Variants in LINGO2 observed in about 807,000 individuals in gnomAD.
The protein encoded by LINGO2 is leucine rich repeat and Ig domain containing 2.
In LINGO2, 14 loss-of-function variants were observed where a neutral mutation model predicts 30.6. The observed-to-expected ratio is 0.46, with a 90% CI of 0.30 to 0.72. The LOEUF (loss-of-function observed/expected upper bound fraction) is 0.72. Among genes scored for constraint, LINGO2 ranks in the 30% least tolerant of loss-of-function variants. LINGO2 has a pLI of 0.07. For missense variants in LINGO2, 729 were observed against 751.7 expected, an observed-to-expected ratio of 0.97 and a Z score of 0.35; for synonymous variants, 317 against 288.5, an observed-to-expected ratio of 1.10 and a Z score of -1.00.
chr9:28,758,414 A>T, the LINGO2 span, among the ~76,000 whole-genome samples: 1 of 152,068 alleles, frequency 6.6e-6, no homozygotes, highest in African/African-American at 2.4e-5. Context: ...ATAAGTGTTA[A>T]TTTCTATTAA....
At chr9:28,496,378 C>G (rs1013242795) in intron 1 of LINGO2, among the ~76,000 whole-genome samples, 4 of 151,886 alleles carry the variant, frequency 2.6e-5, no homozygotes, top group Non-Finnish European at 5.9e-5. Context: ...GGATAGTTAG[C>G]TCTTCTTGTT....
At chr9:29,049,449 G>C in the LINGO2 span, among the ~76,000 whole-genome samples, 1 of 151,992 alleles carries the variant, frequency 6.6e-6, no homozygotes, top group African/African-American at 2.4e-5. Flanking sequence ...CCCACTGCTG[G>C]GTATATACCC....
intron 2 of LINGO2, among the ~76,000 whole-genome samples, chr9:28,418,636 A>G (rs961796104): frequency 3.9e-5 from 6 of 152,100 alleles, no homozygotes; most frequent in Admixed American, 1.3e-4. Context: ...TAAAATGGAT[A>G]AGATTAATCT....
chr9:28,674,365 CGAAG>C (rs1829140277), upstream of LINGO2, among the ~76,000 whole-genome samples: 1 of 151,914 alleles, frequency 6.6e-6, no homozygotes, highest in South Asian at 2.1e-4. Flanking sequence ...AATTTGAAAA[CGAAG>C]GAAACGATCT....
chr9:28,284,376 AC>A (rs1296352689), intron 4 of LINGO2, among the ~76,000 whole-genome samples: 1 of 152,254 alleles, frequency 6.6e-6, no homozygotes, highest in East Asian at 1.9e-4. Context: ...GACTGGACCA[AC>A]CCAAAACCAA....
intron 1 of LINGO2, among the ~76,000 whole-genome samples, chr9:28,581,109 T>G (rs866084491): frequency 2.0e-5 from 3 of 151,982 alleles, no homozygotes; most frequent in Admixed American, 6.6e-5. Context: ...AGGAAGAAAT[T>G]CAGGCTGTTG....
chr9:29,159,752 G>A, the LINGO2 span, among the ~76,000 whole-genome samples: 5 of 151,490 alleles, frequency 3.3e-5, no homozygotes, highest in African/African-American at 1.2e-4. Context: ...CAGCTACTCC[G>A]GAAGCAGAGA....
At chr9:28,375,511 C>T (rs1255062480) in intron 2 of LINGO2, among the ~76,000 whole-genome samples, 2 of 152,216 alleles carry the variant, frequency 1.3e-5, no homozygotes, top group Non-Finnish European at 2.9e-5. Flanking sequence ...ACCAATGCGA[C>T]TACTTTGGAC....
the LINGO2 span, among the ~76,000 whole-genome samples, chr9:28,893,898 C>T: frequency 1.3e-5 from 2 of 151,816 alleles, 1 homozygote; most frequent in African/African-American, 4.8e-5. Context: ...CTATCCCTCC[C>T]CCCTGCCCCC....
chr9:28,663,391 G>T (rs182410906), intron 1 of LINGO2, among the ~76,000 whole-genome samples: 45 of 152,232 alleles, frequency 3.0e-4, no homozygotes, highest in Non-Finnish European at 5.4e-4. Flanking sequence ...TGCTGGGCTT[G>T]AACTCCTGAC....
intron 2 of LINGO2, among the ~76,000 whole-genome samples, chr9:28,472,721 C>T (rs1266055738): frequency 1.3e-5 from 2 of 151,920 alleles, no homozygotes; most frequent in Non-Finnish European, 2.9e-5. Flanking sequence ...TTTCTGTTTT[C>T]CATACTGGTC....
chr9:29,001,802 G>A, the LINGO2 span, among the ~76,000 whole-genome samples: 1 of 151,962 alleles, frequency 6.6e-6, no homozygotes, highest in East Asian at 1.9e-4. Context: ...CAGGCACTAA[G>A]TGCAAATAAA....
At chr9:28,355,813 T>C (rs984833042) in intron 3 of LINGO2, among the ~76,000 whole-genome samples, 8 of 129,526 alleles carry the variant, frequency 6.2e-5, no homozygotes, top group Admixed American at 3.8e-4. Flanking sequence ...TCTGTATGTG[T>C]GCATACAGAA....
intron 3 of LINGO2, among the ~76,000 whole-genome samples, chr9:28,316,634 G>A (rs572367244): frequency 4.3e-4 from 65 of 152,052 alleles, no homozygotes; most frequent in Non-Finnish European, 6.2e-4. Context: ...GAGAGGAACC[G>A]GCATTTGAAC....
intron 5 of LINGO2, among the ~76,000 whole-genome samples, chr9:27,964,891 A>G (rs1373720591): frequency 6.6e-6 from 1 of 152,096 alleles, no homozygotes; most frequent in Non-Finnish European, 1.5e-5. Flanking sequence ...AACCTCTTCC[A>G]GGTGGCCTTG....
At chr9:28,557,482 A>G (rs1480640848) in intron 1 of LINGO2, among the ~76,000 whole-genome samples, 11 of 152,108 alleles carry the variant, frequency 7.2e-5, no homozygotes, top group African/African-American at 2.7e-4. Flanking sequence ...GCGATCATTA[A>G]AAAGTCAGAA....
chr9:28,043,578 C>T (rs1457436639), intron 4 of LINGO2, among the ~76,000 whole-genome samples: 1 of 152,198 alleles, frequency 6.6e-6, no homozygotes, highest in African/African-American at 2.4e-5. Flanking sequence ...GTTATTACCC[C>T]ATTTTTGAGA....
chr9:28,831,072 G>T, the LINGO2 span, among the ~76,000 whole-genome samples: 3 of 152,202 alleles, frequency 2.0e-5, no homozygotes, highest in South Asian at 6.2e-4. Context: ...CTTTTGGTAT[G>T]TAAGGGATTC....
At chr9:28,059,355 C>A (rs116426567) in intron 4 of LINGO2, among the ~76,000 whole-genome samples, 2,613 of 152,034 alleles carry the variant, frequency 0.017, 78 homozygotes, top group African/African-American at 0.06. Context: ...CTAGTGATGC[C>A]CCCCCACCCC....
Sources: allele counts gnomAD v4.1 joint callset (sites outside exome capture counted in the v4.1 genomes callset), GRCh38; gene constraint gnomAD v4.1.1; transcripts MANE v1.5; gene names NCBI Gene and HGNC (gene_info 2026-07-23, HGNC 2026-07-21).